The following CFAP44 variants were observed in gnomAD, a reference collection of about 807,000 sequenced individuals.
CFAP44 encodes cilia- and flagella-associated protein 44.
Under a neutral mutation model 216.2 loss-of-function variants are expected in CFAP44, and 134 were observed. The ratio of observed to expected loss-of-function variants is 0.62; its 90% CI spans 0.54 to 0.72. CFAP44 has a LOEUF of 0.72. CFAP44 is among the 30% of genes least tolerant of loss of function. CFAP44 has a pLI of 0.00. For missense variants in CFAP44, 2,035 were observed against 2,182.1 expected (o/e 0.93, Z 1.34); for synonymous variants, 700 against 727.6 (o/e 0.96, Z 0.61).
chr3:113,294,713 G>A lies in CFAP44; in HGVS notation c.5347C>T (p.Arg1783Trp), dbSNP rs1403040345. The change falls in exon 34 of 35, where the codon CGG (arginine) becomes TGG (tryptophan). Residue 1783 changes from arginine to tryptophan, a missense_variant. Transcript: ENST00000393845. ...TGCTGATTCTGTAGTGTATTCAACC[G>A]AGAATCAAGTTTCTTCTTTTCAATA... The part of the protein sequence containing the change: ...LCIEKKKLDS[R>W]LNTLQNQQGN... 7.8e-6 allele frequency: 12 copies of A among 1,535,250 alleles called. No individual in the cohort carries two copies. In the Admixed American group the frequency reaches 1.2e-4, roughly 15 times the overall value.
chr3:113,296,936 T>A, intron 32 of CFAP44, 51 bp from the exon 33 acceptor site: 1 of 1,521,536 alleles, frequency 6.6e-7, no homozygotes. Context: ...CCCATTGTTA[T>A]AAATGAACAC....
intron 24 of CFAP44, among the ~76,000 whole-genome samples, chr3:113,338,432 G>A (rs75872051): frequency 0.029 from 4,410 of 151,988 alleles, 109 homozygotes; most frequent in East Asian, 0.1. Flanking sequence ...GTAAAAGAGC[G>A]AACAATCCTA....
chr3:113,395,931 A>C, intron 14 of CFAP44, 71 bp from the exon 15 acceptor site: 2 of 1,074,684 alleles, frequency 1.9e-6, no homozygotes, highest in Non-Finnish European at 2.8e-6. Flanking sequence ...ACAAAAAAGC[A>C]TGTAATAACA....
chr3:113,422,308 A>T (rs1036159935), intron 4 of CFAP44, among the ~76,000 whole-genome samples: 16 of 152,184 alleles, frequency 1.1e-4, no homozygotes, highest in African/African-American at 3.4e-4. Context: ...CTTATTCATA[A>T]GTAAATAATA....
At chr3:113,378,297 A>G in intron 17 of CFAP44, among the ~76,000 whole-genome samples, 1 of 152,184 alleles carries the variant, frequency 6.6e-6, no homozygotes, top group Admixed American at 6.6e-5. Context: ...TTTGAACTCC[A>G]TACAATAGTA....
rs1950353496 is a variant in CFAP44 at position 113,343,385 on chromosome 3, A to T, written c.3262+1131T>A. 2.6e-5 allele frequency among the ~76,000 whole-genome samples: 4 copies of T among 152,292 alleles called. No homozygotes were observed. The South Asian group carries it at 8.3e-4, about 32-fold the overall frequency. Reference sequence around the variant, plus strand: ...GTCTACTAACAAGTTCCTATTGGGGAATTACTCTATTCGTGTTCAAGCTTT... The same window carrying T: ...GTCTACTAACAAGTTCCTATTGGGGTATTACTCTATTCGTGTTCAAGCTTT... On this transcript the variant is annotated intron_variant, in intron 23 of 34. Coordinates refer to ENST00000393845, the MANE Select transcript of CFAP44 (RefSeq NM_001164496.2).
chr3:113,396,757 A>T (rs779587601), intron 13 of CFAP44, 30 bp from the exon 14 acceptor site: 2 of 1,595,368 alleles, frequency 1.3e-6, no homozygotes, highest in South Asian at 1.1e-5. Flanking sequence ...AAGGGACCTG[A>T]AACTAGTTAA....
chr3:113,358,611 G>T, intron 22 of CFAP44, 134 bp downstream of exon 22: 1 of 1,144,474 alleles, frequency 8.7e-7, no homozygotes, highest in East Asian at 2.8e-5. Flanking sequence ...GTGACAAGAG[G>T]ATTCCTTGAG....
chr3:113,352,837 A>G (rs1016295643), intron 22 of CFAP44, among the ~76,000 whole-genome samples: 5 of 152,176 alleles, frequency 3.3e-5, no homozygotes, highest in Admixed American at 6.5e-5. Context: ...TATTTTGCCT[A>G]TTAGATTGGT....
intron 20 of CFAP44, 59 bp downstream of exon 20, chr3:113,363,418 C>T (rs1950560164): frequency 1.9e-6 from 3 of 1,582,434 alleles, no homozygotes; most frequent in Admixed American, 3.6e-5. Context: ...AACTTCTGCA[C>T]TGTTGATTTG....
chr3:113,419,934 C>G lies in CFAP44; in HGVS notation c.570+83G>C, dbSNP rs1054178275. 11 of 1,445,214 alleles carry G rather than the reference C, an allele frequency of 7.6e-6. No homozygotes were observed. In the East Asian group the frequency reaches 2.1e-4, roughly 27 times the overall value. The allele number at this position is 1,445,214 out of a possible 1,614,324, so 89.5% of individuals were successfully genotyped here. A position where few individuals can be genotyped will look rare whatever the true frequency, so the allele number is the denominator to read the frequency against. ...ACAATACTGTGCATGGTGTTGGCAT[C>G]TAACAACCATGTTGGCTGGTCCACA... is the stretch of plus-strand genomic sequence containing the variant. On this transcript the variant is annotated intron_variant, in intron 5 of 34. Transcript: ENST00000393845.
intron 8 of CFAP44, among the ~76,000 whole-genome samples, chr3:113,405,740 A>C (rs1934258427): frequency 1.3e-5 from 2 of 152,210 alleles, no homozygotes; most frequent in African/African-American, 4.8e-5. Flanking sequence ...ATATCTATAC[A>C]AATTCTACCA....
At chr3:113,408,187 A>G (rs1934341224) in intron 7 of CFAP44, among the ~76,000 whole-genome samples, 1 of 152,208 alleles carries the variant, frequency 6.6e-6, no homozygotes, top group African/African-American at 2.4e-5. Context: ...CTGATAATCA[A>G]GTTATGGGAA....
intron 2 of CFAP44, chr3:113,432,318 C>T (rs1332134564): frequency 7.9e-5 from 12 of 152,136 alleles, no homozygotes; most frequent in African/African-American, 2.9e-4. Flanking sequence ...TCTATAAACC[C>T]AGATATGCAC....
chr3:113,330,132 C>CT, intron 26 of CFAP44, 36 bp downstream of exon 26: 1 of 1,463,918 alleles, frequency 6.8e-7, no homozygotes, highest in Non-Finnish European at 9.0e-7. Context: ...TCTCTTCTCT[C>CT]TTTCAGCTTT....
At chr3:113,396,895 AC>A (rs1158717409) in intron 13 of CFAP44, among the ~76,000 whole-genome samples, 168 bp from the exon 14 acceptor site, 8 of 152,168 alleles carry the variant, frequency 5.3e-5, no homozygotes, top group Non-Finnish European at 1.0e-4. Context: ...GTTCCTTATA[AC>A]CAATGACCAC....
At chr3:113,388,552 CAT>C (rs998567413) in intron 15 of CFAP44, among the ~76,000 whole-genome samples, 6 of 152,154 alleles carry the variant, frequency 3.9e-5, no homozygotes, top group African/African-American at 1.4e-4. Context: ...TCAACAATAG[CAT>C]TGAAAGTAAA....
chr3:113,416,716 C>T, intron 5 of CFAP44, 89 bp from the exon 6 acceptor site: 1 of 933,482 alleles, frequency 1.1e-6, no homozygotes, highest in South Asian at 1.8e-5. Context: ...TCCATTATTT[C>T]ATAATTTATT....
rs1254624362 is a variant in CFAP44, at chr3:113,306,205, T to C, written c.4754A>G (p.Lys1585Arg). 13 of 1,535,660 alleles carry C rather than the reference T, an allele frequency of 8.5e-6. No homozygotes were observed. The highest frequency in any genetic ancestry group is 1.0e-5 in the Non-Finnish European group (12 of 1,146,402). Residue 1585 changes from lysine to arginine, a missense_variant, in exon 30 of 35, where the codon AAA becomes AGA. Around this residue, in one of 3 missense-constraint regions of CFAP44, gnomAD observed 1,883 missense variants for 2,023.7 expected, o/e 0.93. Coordinates refer to ENST00000393845, the MANE Select transcript of CFAP44 (RefSeq NM_001164496.2). Reference protein sequence around the residue: ...NLKKEYDTLSKKVKIVATNLN... With the variant: ...NLKKEYDTLSRKVKIVATNLN... ...TAAGTAAACAGATCACCATACTTTT[T>C]TTGACAATGTATCATATTCCTTTTT...
Sources: gnomAD v4.1 joint callset for allele counts (sites outside exome capture counted in the v4.1 genomes callset) on GRCh38, gnomAD v4.1.1 for gene constraint, gnomAD v4.1.1 regional missense constraint, MANE v1.5 for transcripts, NCBI Gene and HGNC (gene_info 2026-07-23, HGNC 2026-07-21) for gene names.